TASOR: variants seen among roughly 807,000 people sequenced by gnomAD.
TASOR encodes protein TASOR.
A neutral mutation model predicts 178.6 loss-of-function variants in TASOR; 53 were observed. The ratio of observed to expected loss-of-function variants is 0.30; its 90% CI spans 0.24 to 0.37. The LOEUF (loss-of-function observed/expected upper bound fraction) is 0.37. Ranked by LOEUF, TASOR falls within the 10% of genes least tolerant of loss-of-function variation. The pLI is 1.00. For missense variants in TASOR, 1,815 were observed against 1,971.4 expected (o/e 0.92, Z 1.50); for synonymous variants, 713 against 696.2 (o/e 1.02, Z -0.38).
chr3:56,623,470 T>G lies in TASOR; in HGVS notation c.4580A>C (p.Glu1527Ala). ...TCCTTTGGTCTCTTTCTCCCATATT[T>G]CTGAATGAAAATTGCTGCATACTTC... is the stretch of plus-strand genomic sequence containing the variant. Reference protein sequence around the residue: ...HIEVCSNFHSEIWEKETKGSR... With the variant: ...HIEVCSNFHSAIWEKETKGSR... The change falls in exon 24 of 24, where the codon GAA becomes GCA. Residue 1527 changes from glutamate to alanine, a missense_variant. This residue lies in a region of TASOR where 278 missense variants were observed against 257.1 expected (regional missense o/e 1.08). Transcript: ENST00000683822. 6.2e-7 allele frequency: 1 copy of G among 1,613,486 alleles called. No homozygotes were observed.
intron 11 of TASOR, among the ~76,000 whole-genome samples, chr3:56,657,808 A>T (rs2077504875): frequency 6.6e-6 from 1 of 152,222 alleles, no homozygotes; most frequent in Non-Finnish European, 1.5e-5. Context: ...AGTTGGAGTT[A>T]ATATTCATAA....
At chr3:56,650,733 G>A (rs148970267) in intron 11 of TASOR, among the ~76,000 whole-genome samples, 6 of 152,272 alleles carry the variant, frequency 3.9e-5, no homozygotes, top group East Asian at 3.9e-4. Context: ...CTCAGGCCAA[G>A]TTACATCATA....
At chr3:56,634,102 T>C (rs547680497) in intron 17 of TASOR, 136 bp from the exon 18 acceptor site, 1 of 731,452 alleles carries the variant, frequency 1.4e-6, no homozygotes, top group East Asian at 2.8e-5. Context: ...AATAAAATCC[T>C]AAAATTCTGG....
chr3:56,679,431 G>A (rs1161327520), intron 1 of TASOR, among the ~76,000 whole-genome samples: 1 of 152,168 alleles, frequency 6.6e-6, no homozygotes, highest in Non-Finnish European at 1.5e-5. Context: ...ATTATGTATG[G>A]AGAGAGCTAT....
Position 56,621,583 on chromosome 3 carries a change from G to A in TASOR, c.*1454C>T. ...GGAAAGTAGTCTCCTGCCTTTAGCT[G>A]AAAATCAAGAAGAGAGTTTTGGTTC... On this transcript the variant is annotated 3_prime_UTR_variant, in exon 24 of 24. Coordinates refer to ENST00000683822, the MANE Select transcript of TASOR (RefSeq NM_001365635.2). 6.2e-7 allele frequency: 1 copy of A among 1,600,540 alleles called. No individual in the cohort carries two copies. Among genetic ancestry groups the A allele is most frequent in the South Asian group, 1.1e-5 (1 of 88,284 alleles).
At chr3:56,679,655 C>T (rs2031619918) in intron 1 of TASOR, among the ~76,000 whole-genome samples, 1 of 152,158 alleles carries the variant, frequency 6.6e-6, no homozygotes. Context: ...TTGGACCCTA[C>T]AAAAACATTA....
At chr3:56,651,387 G>T (rs2077348563) in intron 11 of TASOR, among the ~76,000 whole-genome samples, 2 of 151,810 alleles carry the variant, frequency 1.3e-5, no homozygotes. Context: ...CACAAAAAAA[G>T]AGTTAGTATA....
chr3:56,672,941 C>T (rs1418105772), intron 2 of TASOR, among the ~76,000 whole-genome samples: 2 of 152,194 alleles, frequency 1.3e-5, no homozygotes, highest in African/African-American at 2.4e-5. Flanking sequence ...CTGCCTCACC[C>T]TCCCAAGAAG....
chr3:56,666,579 A>G (rs1249347165), intron 6 of TASOR, among the ~76,000 whole-genome samples, 195 bp from the exon 7 acceptor site: 1 of 152,178 alleles, frequency 6.6e-6, no homozygotes, highest in Non-Finnish European at 1.5e-5. Context: ...TTCTGCATCT[A>G]AGTGCGTAAG....
intron 9 of TASOR, 149 bp from the exon 10 acceptor site, chr3:56,661,166 T>A (rs899636119): frequency 1.6e-6 from 1 of 616,030 alleles, no homozygotes; most frequent in African/African-American, 1.8e-5. Flanking sequence ...TTGTTTCGTT[T>A]GTGACAGTCT....
intron 16 of TASOR, among the ~76,000 whole-genome samples, chr3:56,639,500 C>CTAAGATAATCCAATTTATT (rs1346409005): frequency 1.3e-5 from 2 of 152,118 alleles, no homozygotes; most frequent in African/African-American, 4.8e-5. Flanking sequence ...AGGCCATTCT[C>CTAAGATAATCCAATTTATT]TAAGATAATC....
At chr3:56,662,606 C>CAA (rs1403350586) in intron 8 of TASOR, 116 bp from the exon 9 acceptor site, 236 of 352,560 alleles carry the variant, frequency 6.7e-4, no homozygotes, top group South Asian at 1.5e-3. Flanking sequence ...AGTAGGAGGG[C>CAA]AAAAAAAAAA....
intron 17 of TASOR, among the ~76,000 whole-genome samples, chr3:56,637,521 A>G (rs1323435408): frequency 2.6e-5 from 4 of 151,852 alleles, no homozygotes; most frequent in African/African-American, 9.7e-5. Flanking sequence ...ATTCTGTATC[A>G]GAGGGGAAAA....
intron 4 of TASOR, 34 bp downstream of exon 4, chr3:56,670,039 G>A (rs1212009383): frequency 2.3e-6 from 3 of 1,330,542 alleles, no homozygotes; most frequent in African/African-American, 3.0e-5. Context: ...CAACTTAGTA[G>A]TAGATATTTA....
intron 11 of TASOR, among the ~76,000 whole-genome samples, chr3:56,654,025 G>A (rs567851397): frequency 7.2e-5 from 11 of 152,266 alleles, no homozygotes; most frequent in African/African-American, 9.6e-5. Flanking sequence ...CCAGCACTAC[G>A]GGAGGCCGAG....
chr3:56,653,762 A>G (rs1040834600), intron 11 of TASOR, among the ~76,000 whole-genome samples: 2 of 152,216 alleles, frequency 1.3e-5, no homozygotes, highest in Admixed American at 6.5e-5. Context: ...TAAAAAAGAC[A>G]AAAGTATCCC....
chr3:56,636,389 T>TGG (rs2077016927), intron 17 of TASOR, among the ~76,000 whole-genome samples: 1 of 150,096 alleles, frequency 6.7e-6, no homozygotes, highest in African/African-American at 2.5e-5. Context: ...GCTTTTGTTG[T>TGG]TGGTGGTGGT....
At chr3:56,661,449 C>T (rs1205293130) in intron 9 of TASOR, among the ~76,000 whole-genome samples, 4 of 152,154 alleles carry the variant, frequency 2.6e-5, no homozygotes, top group Non-Finnish European at 5.9e-5. Flanking sequence ...AGCCACTGTG[C>T]CCAGCAGTAA....
At position 56,623,177 on chromosome 3, in the gene TASOR, C is replaced by CA. The variant is rs1205486679; in HGVS notation, c.4872dup (p.Ala1625CysfsTer11). ...TCTTGAGACTGACTTGATGAAAGGGCATATGGTGTCCCCAAAAATGTCTGA... is the reference window on the plus strand; with the variant it reads ...TCTTGAGACTGACTTGATGAAAGGGCAATATGGTGTCCCCAAAAATGTCTGA... On this transcript the variant is annotated frameshift_variant, in exon 24 of 24. Coordinates refer to ENST00000683822, the MANE Select transcript of TASOR (RefSeq NM_001365635.2). LOFTEE classifies it high-confidence loss of function. The CA allele has an allele frequency of 1.9e-6, 3 of 1,613,572 alleles. No individual in the cohort carries two copies. In the African/African-American group the frequency reaches 4.0e-5, roughly 22 times the overall value.
Sources: allele counts gnomAD v4.1 joint callset (sites outside exome capture counted in the v4.1 genomes callset), GRCh38; gene constraint gnomAD v4.1.1; regional missense constraint gnomAD v4.1.1; transcripts MANE v1.5; gene names NCBI Gene and HGNC (gene_info 2026-07-23, HGNC 2026-07-21).